FGF12: variants seen among roughly 807,000 people sequenced by gnomAD.
FGF12 encodes the protein fibroblast growth factor 12.
FGF12 carries 14 observed loss-of-function variants against 23.6 expected under a neutral mutation model. The ratio of observed to expected loss-of-function variants is 0.59; its 90% CI spans 0.39 to 0.93. The LOEUF (loss-of-function observed/expected upper bound fraction) is 0.93, where lower values mean the gene tolerates loss of function less well. FGF12 is among the 40% of genes least tolerant of loss of function. The pLI is 0.00. For missense variants in FGF12, 175 were observed against 217.8 expected, an observed-to-expected ratio of 0.80 and a Z score of 1.24; for synonymous variants, 62 against 77.3, an observed-to-expected ratio of 0.80 and a Z score of 1.04.
intron 2 of FGF12, among the ~76,000 whole-genome samples, chr3:192,653,929 T>C (rs1322018300): frequency 1.3e-5 from 2 of 152,152 alleles, no homozygotes; most frequent in Non-Finnish European, 2.9e-5. Context: ...TTTCACCATG[T>C]TGGTCTGGCT....
At chr3:192,694,570 C>CAT (rs906946614) in intron 2 of FGF12, among the ~76,000 whole-genome samples, 4 of 151,544 alleles carry the variant, frequency 2.6e-5, no homozygotes, top group African/African-American at 4.9e-5. Context: ...TATACACATA[C>CAT]ATATATATAC....
intron 2 of FGF12, among the ~76,000 whole-genome samples, chr3:192,582,926 A>G (rs1577065426): frequency 6.6e-6 from 1 of 152,040 alleles, no homozygotes; most frequent in African/African-American, 2.4e-5. Context: ...TGCACTTTTC[A>G]TTCCTGGCTC....
chr3:192,344,431 A>C (rs1236793602), intron 3 of FGF12, among the ~76,000 whole-genome samples: 6 of 152,222 alleles, frequency 3.9e-5, no homozygotes. Context: ...ATGTGGTTAA[A>C]ATAAAACACT....
At position 192,563,064 on chromosome 3, in the gene FGF12, C is replaced by T. The variant is rs114371200; in HGVS notation, c.13+164117G>A. ...GGATCTTGAGAAGACTCATACTGGA[C>T]GTATAAGTGGCTTTTATATGCCATG... On this transcript the variant is annotated intron_variant, in intron 2 of 5. Transcript: ENST00000445105. Among the ~76,000 whole-genome samples, 876 of 152,130 alleles carry T rather than the reference C, an allele frequency of 5.8e-3. 4 individuals carry two copies. Among genetic ancestry groups the T allele is most frequent in the African/African-American group, 0.02 (822 of 41,492 alleles).
At chr3:192,314,699 T>C (rs768901034) in intron 4 of FGF12, among the ~76,000 whole-genome samples, 2 of 152,244 alleles carry the variant, frequency 1.3e-5, no homozygotes, top group Non-Finnish European at 2.9e-5. Context: ...CTAGACTCAA[T>C]TCCTCATTGA....
intron 3 of FGF12, among the ~76,000 whole-genome samples, chr3:192,335,684 C>T (rs1717369363): frequency 6.6e-6 from 1 of 152,066 alleles, no homozygotes; most frequent in African/African-American, 2.4e-5. Flanking sequence ...AAACTCTGTA[C>T]TAAAGGGGTT....
chr3:192,338,904 T>C (rs74831882), intron 3 of FGF12, among the ~76,000 whole-genome samples: 4,696 of 152,226 alleles, frequency 0.031, 243 homozygotes, highest in African/African-American at 0.11. Context: ...TGATAATTAC[T>C]GTGAGAAGGA....
intron 2 of FGF12, among the ~76,000 whole-genome samples, chr3:192,572,932 T>C (rs900226124): frequency 3.3e-5 from 5 of 152,112 alleles, no homozygotes; most frequent in African/African-American, 9.7e-5. Context: ...AAAATAAATA[T>C]TTAGTAAATG....
rs554434451 is a variant in FGF12 at position 192,267,863 on chromosome 3, T to C, written c.228+67498A>G. On this transcript the variant is annotated intron_variant, in intron 4 of 5. Coordinates refer to ENST00000445105, the MANE Select transcript of FGF12 (RefSeq NM_004113.6). ...AAAACCCACTATAGATAATTTTGCA[T>C]CAAAAATCACAAATTTCTAACAACG... Among the ~76,000 whole-genome samples the C allele has an allele frequency of 4.5e-4, 69 of 152,294 alleles. 1 individual carries two copies. In the South Asian group the frequency reaches 0.014, roughly 31 times the overall value.
At chr3:192,268,566 T>C (rs1713226956) in intron 4 of FGF12, 1 of 234,380 alleles carries the variant, frequency 4.3e-6, no homozygotes, top group Non-Finnish European at 9.4e-6. Context: ...AAGTGAACTC[T>C]CTCTCTGAGT....
At chr3:192,501,473 T>C (rs1724131318) in intron 2 of FGF12, among the ~76,000 whole-genome samples, 1 of 152,208 alleles carries the variant, frequency 6.6e-6, no homozygotes, top group Non-Finnish European at 1.5e-5. Flanking sequence ...GAACTCTACT[T>C]CCAGTTGAAG....
chr3:192,185,849 G>C (rs1201931353), intron 4 of FGF12, among the ~76,000 whole-genome samples: 1 of 150,046 alleles, frequency 6.7e-6, no homozygotes, highest in Non-Finnish European at 1.5e-5. Context: ...ACAGAGCGAG[G>C]CTCCGTCTAA....
At chr3:192,337,609 T>C (rs1431195762) in intron 3 of FGF12, among the ~76,000 whole-genome samples, 1 of 152,192 alleles carries the variant, frequency 6.6e-6, no homozygotes, top group East Asian at 1.9e-4. Flanking sequence ...TTCTAAACCC[T>C]CCACTCAGTC....
chr3:192,475,012 A>T (rs1723279125), intron 2 of FGF12, among the ~76,000 whole-genome samples: 2 of 152,004 alleles, frequency 1.3e-5, no homozygotes, highest in African/African-American at 4.8e-5. Flanking sequence ...TCCCATATCT[A>T]CCTCATTAAT....
intron 4 of FGF12, among the ~76,000 whole-genome samples, chr3:192,262,874 T>C (rs981544539): frequency 1.3e-5 from 2 of 150,322 alleles, no homozygotes; most frequent in African/African-American, 4.9e-5. Flanking sequence ...TACTCCCCCA[T>C]ACACACACAC....
chr3:192,382,815 T>G (rs1207050789), intron 2 of FGF12, among the ~76,000 whole-genome samples: 1 of 152,154 alleles, frequency 6.6e-6, no homozygotes, highest in Non-Finnish European at 1.5e-5. Flanking sequence ...TATTTAAAAC[T>G]TTTCACTTTT....
rs539535539 is a variant in FGF12 at position 192,230,940 on chromosome 3, T to G, written c.229-60284A>C. ...CAAGAAATGAAAGCTTTAATAAAAT[T>G]AAACACTTTAAGCTAATGATGACCT... On this transcript the variant is annotated intron_variant, in intron 4 of 5. Coordinates refer to ENST00000445105, the MANE Select transcript of FGF12 (RefSeq NM_004113.6). 5.3e-5 allele frequency among the ~76,000 whole-genome samples: 8 copies of G among 152,274 alleles called. No homozygotes were observed. The South Asian group carries it at 1.7e-3, about 32-fold the overall frequency.
At chr3:192,636,248 T>C (rs1490916471) in intron 2 of FGF12, among the ~76,000 whole-genome samples, 1 of 152,248 alleles carries the variant, frequency 6.6e-6, no homozygotes, top group Non-Finnish European at 1.5e-5. Context: ...CTTTGATCCA[T>C]AGCTACCCTG....
chr3:192,507,040 T>C (rs368133046), intron 2 of FGF12, among the ~76,000 whole-genome samples: 35 of 151,860 alleles, frequency 2.3e-4, no homozygotes, highest in African/African-American at 6.8e-4. Flanking sequence ...TACAGGCGCC[T>C]GCCACCACGC....
Sources: gnomAD v4.1 joint callset for allele counts (sites outside exome capture counted in the v4.1 genomes callset) on GRCh38, gnomAD v4.1.1 for gene constraint, MANE v1.5 for transcripts, NCBI Gene and HGNC (gene_info 2026-07-23, HGNC 2026-07-21) for gene names.